PRADC1: variants seen among roughly 807,000 people sequenced by gnomAD.
The protein encoded by PRADC1 is protease associated domain containing 1.
A neutral mutation model predicts 22.9 loss-of-function variants in PRADC1; 23 were observed. The observed-to-expected ratio is 1.00, with a 90% CI of 0.72 to 1.42. The LOEUF is 1.42. PRADC1 is among the 40% of genes most tolerant of loss of function. The pLI, the probability that PRADC1 is intolerant of heterozygous loss-of-function variation, is 0.00. For synonymous variants in PRADC1, 71 were observed against 100.3 expected (o/e 0.71, Z 1.75); for missense variants, 207 against 258.3 (o/e 0.80, Z 1.36).
At chr2:73,231,485 C>T (rs552595855) in intron 1 of PRADC1, among the ~76,000 whole-genome samples, 2 of 151,172 alleles carry the variant, frequency 1.3e-5, no homozygotes, top group South Asian at 2.1e-4. Flanking sequence ...GGCGCCATCT[C>T]GCCTCACAGC....
At position 73,228,994 on chromosome 2, in the gene PRADC1, GAC is replaced by G. The variant is rs554633681; in HGVS notation, c.279-34_279-33del. The G allele has an allele frequency of 7.9e-4, 1,274 of 1,607,490 alleles. 2 individuals are homozygous for G. Among genetic ancestry groups the G allele is most frequent in the Non-Finnish European group, 1.0e-3 (1,227 of 1,177,212 alleles). ...GAGGTGGTGATAAGACCAAAGGAAA[GAC>G]AGGTCCTAGCTCCCCCTTCCCCAGA... On this transcript the variant is annotated intron_variant, in intron 3 of 4. Coordinates refer to ENST00000258083, the MANE Select transcript of PRADC1 (RefSeq NM_032319.3). The surrounding 1 kb of genome is among the most constrained non-coding windows in gnomAD (Gnocchi z 4.0).
chr2:73,231,857 A>G (rs1053290463), intron 1 of PRADC1, among the ~76,000 whole-genome samples: 2 of 152,224 alleles, frequency 1.3e-5, no homozygotes, highest in Non-Finnish European at 2.9e-5. Context: ...GGATAGCCCT[A>G]TAAACTTTCC....
intron 3 of PRADC1, 150 bp from the exon 4 acceptor site, chr2:73,229,112 C>G (rs2103730664): frequency 2.6e-6 from 2 of 769,072 alleles, no homozygotes; most frequent in Non-Finnish European, 4.1e-6. Flanking sequence ...AATTTAAATA[C>G]ATTTCTTTTT....
intron 1 of PRADC1, among the ~76,000 whole-genome samples, chr2:73,231,983 C>T (rs1195379151): frequency 6.6e-6 from 1 of 152,174 alleles, no homozygotes; most frequent in Non-Finnish European, 1.5e-5. Flanking sequence ...AATGTTGTAC[C>T]TGGACTTGAG....
chr2:73,229,498 A>T lies in PRADC1; in HGVS notation c.241T>A (p.Phe81Ile), dbSNP rs201396186. 5.0e-6 allele frequency: 8 copies of T among 1,612,780 alleles called. No individual in the cohort carries two copies. Among genetic ancestry groups the T allele is most frequent in the Non-Finnish European group, 6.8e-6 (8 of 1,179,756 alleles). ...AGAGCAATCTGGTCCTGGATGAAGA[A>T]ACCGTTGCTGAGTTCCCCGCAGGCC... ...PEACGELSNGFFIQDQIALVE... is the reference protein window; with the variant it reads ...PEACGELSNGIFIQDQIALVE... The change falls in exon 3 of 5, where the codon TTC becomes ATC. Residue 81 changes from phenylalanine (F) to isoleucine (I), a missense_variant. Transcript: ENST00000258083.
Position 73,230,094 on chromosome 2 carries a change from G to A in PRADC1, c.168+19C>T. The A allele has an allele frequency of 6.5e-7, 1 of 1,536,850 alleles. No homozygotes were observed. The highest frequency in any genetic ancestry group is 9.0e-7 in the Non-Finnish European group (1 of 1,110,872). ...GGGGGAGGTTGAGGATCAGAGATCAGGGGCCTCCCTTAACTTACAAAGATA... is the reference window on the plus strand; with the variant it reads ...GGGGGAGGTTGAGGATCAGAGATCAAGGGCCTCCCTTAACTTACAAAGATA... On this transcript the variant is annotated intron_variant, in intron 2 of 4. Coordinates refer to ENST00000258083, the MANE Select transcript of PRADC1 (RefSeq NM_032319.3).
rs1217870588 is a variant in PRADC1 at position 73,229,473 on chromosome 2, A to G, written c.266T>C (p.Leu89Pro). The G allele has an allele frequency of 1.9e-6, 3 of 1,582,610 alleles. No homozygotes were observed. The highest frequency in any genetic ancestry group is 2.6e-6 in the Non-Finnish European group (3 of 1,165,090). ...GCCCACTCCTTACCCCCTCTCCACCAGAGCAATCTGGTCCTGGATGAAGAA... is the reference window on the plus strand; with the variant it reads ...GCCCACTCCTTACCCCCTCTCCACCGGAGCAATCTGGTCCTGGATGAAGAA... The part of the protein sequence containing the change: ...NGFFIQDQIA[L>P]VERGGCSFLS... Residue 89 changes from leucine (L) to proline (P), a missense_variant, in exon 3 of 5, where the codon CTG becomes CCG. By Grantham distance (98) the Leu-to-Pro change is moderately conservative. Coordinates refer to ENST00000258083, the MANE Select transcript of PRADC1 (RefSeq NM_032319.3).
At chr2:73,229,358 G>C (rs1202517996) in intron 3 of PRADC1, 103 bp downstream of exon 3, 1 of 851,418 alleles carries the variant, frequency 1.2e-6, no homozygotes, top group Non-Finnish European at 2.0e-6. Context: ...CGCTTAAAAA[G>C]ATGAAATTTT....
At chr2:73,231,443 G>T (rs1686633475) in intron 1 of PRADC1, among the ~76,000 whole-genome samples, 1 of 151,448 alleles carries the variant, frequency 6.6e-6, no homozygotes, top group Non-Finnish European at 1.5e-5. Context: ...TTGAGACAGG[G>T]TCTCACTTTA....
At chr2:73,229,052 A>G (rs527246791) in intron 3 of PRADC1, 90 bp from the exon 4 acceptor site, 13 of 1,148,082 alleles carry the variant, frequency 1.1e-5, no homozygotes, top group African/African-American at 7.7e-5. Context: ...AAGGCAGACT[A>G]TGAAGAATCT....
At chr2:73,229,335 C>A in intron 3 of PRADC1, 126 bp downstream of exon 3, 1 of 759,080 alleles carries the variant, frequency 1.3e-6, no homozygotes, top group Admixed American at 2.0e-5. Context: ...CCAGGCTAGA[C>A]ATTTCTTAAA....
At chr2:73,232,981 C>G in intron 1 of PRADC1, 113 bp downstream of exon 1, 1 of 1,280,972 alleles carries the variant, frequency 7.8e-7, no homozygotes, top group Non-Finnish European at 1.1e-6. Flanking sequence ...CCAGACCTGT[C>G]CTGCTCTGAA....
chr2:73,231,122 C>G (rs545634831), intron 1 of PRADC1, among the ~76,000 whole-genome samples: 1 of 152,336 alleles, frequency 6.6e-6, no homozygotes, highest in East Asian at 1.9e-4. Context: ...CATAACTTTT[C>G]TTTTTTTCTT....
chr2:73,230,207 C>T lies in PRADC1; in HGVS notation c.74G>A (p.Arg25His), dbSNP rs780094553. Residue 25 changes from arginine to histidine, a missense_variant, in exon 2 of 5, where the codon CGT (arginine) becomes CAT (histidine). Physicochemically the swap from Arg to His is conservative, Grantham distance 29. Coordinates refer to ENST00000258083, the MANE Select transcript of PRADC1 (RefSeq NM_032319.3). The part of the protein sequence containing the change: ...LPACVAAHGF[R>H]IHDYLYFQVL... ...TTGAAAGTACAAATAATCATGGATA[C>T]GGAAGCCTGAAGGATAAAGAGTACA... 5.6e-6 allele frequency: 9 copies of T among 1,612,062 alleles called. No individual in the cohort carries two copies. The highest frequency in any genetic ancestry group is 4.5e-5 in the East Asian group (2 of 44,894).
At chr2:73,232,851 G>A (rs1374242818) in intron 1 of PRADC1, among the ~76,000 whole-genome samples, 1 of 152,182 alleles carries the variant, frequency 6.6e-6, no homozygotes, top group African/African-American at 2.4e-5. Flanking sequence ...CTAGTGGGCG[G>A]GGAGGGGCGA....
chr2:73,229,772 A>ATGAGATAGGCAGGGGAC lies in PRADC1; in HGVS notation c.169-219_169-203dup, dbSNP rs745853432. 3.2e-3 allele frequency: 1,917 copies of ATGAGATAGGCAGGGGAC among 596,472 alleles called. 8 individuals are homozygous for ATGAGATAGGCAGGGGAC. The highest frequency in any genetic ancestry group is 8.0e-3 in the Middle Eastern group (18 of 2,252). The allele number at this position is 596,472 out of a possible 1,614,324, so 36.9% of individuals were successfully genotyped here. A position where few individuals can be genotyped will look rare whatever the true frequency, so the allele number is the denominator to read the frequency against. ...TTGTCCTACACCACCCTACCCTTCT[A>ATGAGATAGGCAGGGGAC]TGAGATAGGCAGGGGACTTGGTTGT... On this transcript the variant is annotated intron_variant, in intron 2 of 4. Coordinates refer to ENST00000258083, the MANE Select transcript of PRADC1 (RefSeq NM_032319.3).
At chr2:73,231,974 A>G (rs1488523122) in intron 1 of PRADC1, among the ~76,000 whole-genome samples, 2 of 152,118 alleles carry the variant, frequency 1.3e-5, no homozygotes, top group African/African-American at 4.8e-5. Flanking sequence ...CCAAAGTTTA[A>G]TGTTGTACCT....
chr2:73,229,517 G>A lies in PRADC1; in HGVS notation c.222C>T (p.Cys74=), dbSNP rs139180180. The A allele has an allele frequency of 8.6e-5, 139 of 1,613,818 alleles. 1 individual carries two copies. The highest frequency in any genetic ancestry group is 1.6e-4 in the Middle Eastern group (1 of 6,084). Residue 74 remains cysteine (C), a synonymous_variant, in exon 3 of 5, where the codon TGC becomes TGT. Coordinates refer to ENST00000258083, the MANE Select transcript of PRADC1 (RefSeq NM_032319.3). ...HLVPAEPPEA[C]GELSNGFFIQ... ...TGAAGAAACCGTTGCTGAGTTCCCC[G>A]CAGGCCTCTGGAGGTTCAGCGGGGA... is the stretch of plus-strand genomic sequence containing the variant.
rs1238454232 is a variant in PRADC1, at chr2:73,229,448, G to C, written c.278+13C>G. The C allele has an allele frequency of 1.3e-6, 2 of 1,579,358 alleles. No homozygotes were observed. Among genetic ancestry groups the C allele is most frequent in the Non-Finnish European group, 1.7e-6 (2 of 1,148,312 alleles). ...CCTGCCCACTCCTCGTGTCCTGCCT[G>C]CCCACTCCTTACCCCCTCTCCACCA... On this transcript the variant is annotated intron_variant, in intron 3 of 4. Transcript: ENST00000258083.
Sources: allele counts gnomAD v4.1 joint callset (sites outside exome capture counted in the v4.1 genomes callset), GRCh38; gene constraint gnomAD v4.1.1; non-coding constraint Gnocchi (gnomAD v3.1); transcripts MANE v1.5; gene names NCBI Gene and HGNC (gene_info 2026-07-23, HGNC 2026-07-21).